The following GLG1 variants were observed in gnomAD, a reference collection of about 807,000 sequenced individuals.
The protein encoded by GLG1 is golgi glycoprotein 1, also known as Golgi apparatus protein 1.
GLG1 carries 38 observed loss-of-function variants against 160.5 expected under a neutral mutation model. The ratio of observed to expected loss-of-function variants is 0.24; its 90% CI spans 0.18 to 0.31. GLG1 has a LOEUF of 0.31. GLG1 is among the 10% of genes least tolerant of loss of function. The pLI is 1.00. For synonymous variants in GLG1, 644 were observed against 543.4 expected (o/e 1.19, Z -2.57); for missense variants, 1,373 against 1,505.2 (o/e 0.91, Z 1.45).
intron 1 of GLG1, among the ~76,000 whole-genome samples, chr16:74,595,345 G>A (rs1191115948): frequency 1.3e-5 from 2 of 151,778 alleles, no homozygotes; most frequent in Non-Finnish European, 2.9e-5. Context: ...AGACCATCCT[G>A]GCTAACACGT....
At chr16:74,603,738 A>G (rs9932831) in intron 1 of GLG1, among the ~76,000 whole-genome samples, 130,994 of 152,140 alleles carry the variant, frequency 0.86, 56,576 homozygotes, top group African/African-American at 0.94. Flanking sequence ...TCACATACTA[A>G]GCAACAGTAT....
At position 74,497,583 on chromosome 16, in the gene GLG1, G is replaced by A. The variant is rs151332417; in HGVS notation, c.775-939C>T. Among the ~76,000 whole-genome samples, 284 of 151,724 alleles carry A rather than the reference G, an allele frequency of 1.9e-3. 4 individuals carry two copies. Among genetic ancestry groups the A allele is most frequent in the African/African-American group, 6.6e-3 (272 of 41,426 alleles). ...CTCCTGAGTAGCTGGGACCACAGGC[G>A]CCCGCCACCACGCCCGGCTAATTTT... On this transcript the variant is annotated intron_variant, in intron 4 of 25. Transcript: ENST00000422840.
Position 74,529,811 on chromosome 16 carries a change from TC to T in GLG1, c.471+2309del, listed in dbSNP as rs67867347. ...TCCTATTCCTTGGCTCTTTGAGAGT[TC>T]TTTTTTTTTTTTTTTTTTTTTTGTG... On this transcript the variant is annotated intron_variant, in intron 2 of 25. Transcript: ENST00000422840. 9.2e-4 allele frequency among the ~76,000 whole-genome samples: 122 copies of T among 132,322 alleles called. 21 individuals are homozygous for T. The highest frequency in any genetic ancestry group is 2.4e-3 in the African/African-American group (84 of 34,596). 86.8% of individuals were successfully genotyped at this position (132,322 alleles called of 152,430 possible).
At chr16:74,464,387 A>C (rs570211482) in intron 19 of GLG1, among the ~76,000 whole-genome samples, 1 of 152,314 alleles carries the variant, frequency 6.6e-6, no homozygotes, top group African/African-American at 2.4e-5. Flanking sequence ...AATCCTACCA[A>C]GCAGTAAAGG....
At chr16:74,605,344 T>A (rs995922843) in intron 1 of GLG1, among the ~76,000 whole-genome samples, 1 of 152,210 alleles carries the variant, frequency 6.6e-6, no homozygotes, top group African/African-American at 2.4e-5. Context: ...CTTTCCCTAA[T>A]AATGTGCTGT....
At chr16:74,508,436 A>T (rs1417929905) in intron 3 of GLG1, among the ~76,000 whole-genome samples, 1 of 152,146 alleles carries the variant, frequency 6.6e-6, no homozygotes, top group Non-Finnish European at 1.5e-5. Context: ...TTTTAACACT[A>T]ACTCCTATTA....
intron 13 of GLG1, 106 bp from the exon 14 acceptor site, chr16:74,472,517 A>G (rs986407726): frequency 2.9e-6 from 4 of 1,361,796 alleles, no homozygotes; most frequent in Non-Finnish European, 4.1e-6. Flanking sequence ...CAAATAATCT[A>G]ATACATACTT....
intron 25 of GLG1, 46 bp downstream of exon 25, chr16:74,456,603 C>T: frequency 2.7e-6 from 3 of 1,127,672 alleles, no homozygotes; most frequent in East Asian, 2.3e-5. Context: ...TGAAGTGTTC[C>T]ATATTTTTTT....
At chr16:74,571,420 A>G (rs1189066414) in intron 1 of GLG1, among the ~76,000 whole-genome samples, 1 of 152,168 alleles carries the variant, frequency 6.6e-6, no homozygotes, top group African/African-American at 2.4e-5. Flanking sequence ...CACGCAAGTA[A>G]TCCATGTTTT....
chr16:74,448,819 G>C lies in GLG1; in HGVS notation c.*4348C>G, dbSNP rs566590924. On this transcript the variant is annotated 3_prime_UTR_variant, in exon 26 of 26. Coordinates refer to ENST00000422840, the MANE Select transcript of GLG1 (RefSeq NM_001145667.2). ...CGCCTGTAATGCACTTTGGAAGGCC[G>C]AAGTGCACTTTGGCCGAAGTGGGCC... 7.3e-5 allele frequency: 11 copies of C among 150,274 alleles called. No individual in the cohort carries two copies. Among genetic ancestry groups the C allele is most frequent in the African/African-American group, 2.2e-4 (9 of 40,838 alleles). 9.3% of individuals were successfully genotyped at this position (150,274 alleles called of 1,614,324 possible).
chr16:74,459,651 G>T, intron 23 of GLG1, 31 bp downstream of exon 23: 60 of 1,002,398 alleles, frequency 6.0e-5, no homozygotes, highest in Non-Finnish European at 8.2e-5. Flanking sequence ...AAAAAGAAAT[G>T]AAGTGAGGAA....
intron 4 of GLG1, among the ~76,000 whole-genome samples, chr16:74,498,892 T>C (rs1185168470): frequency 9.5e-6 from 1 of 105,168 alleles, no homozygotes; most frequent in East Asian, 3.0e-4. Context: ...AAAAAAAAGA[T>C]TCCTAAAACC....
chr16:74,483,030 C>A lies in GLG1; in HGVS notation c.1666G>T (p.Asp556Tyr). ...TGGCTTCAAAATACTCACTTCCAAT[C>A]CCGGGAGATGAAATACTGCAGCTCT... ...LLELQYFISRDWKLDPVLYRK... is the reference protein window; with the variant it reads ...LLELQYFISRYWKLDPVLYRK... The change falls in exon 10 of 26, where the codon GAT becomes TAT. Residue 556 changes from aspartate to tyrosine, a missense_variant. Transcript: ENST00000422840. The A allele has an allele frequency of 1.3e-6, 2 of 1,575,880 alleles. No individual in the cohort carries two copies. The highest frequency in any genetic ancestry group is 2.2e-5 in the South Asian group (2 of 90,326).
At chr16:74,579,575 A>G (rs1299786697) in intron 1 of GLG1, among the ~76,000 whole-genome samples, 1 of 152,038 alleles carries the variant, frequency 6.6e-6, no homozygotes, top group Non-Finnish European at 1.5e-5. Context: ...TACAAAAGTT[A>G]GCCAGGTGTA....
intron 1 of GLG1, among the ~76,000 whole-genome samples, chr16:74,545,331 C>T (rs558267648): frequency 1.3e-5 from 2 of 152,222 alleles, no homozygotes; most frequent in East Asian, 3.9e-4. Flanking sequence ...CAGGTGCATG[C>T]CACTACACCT....
chr16:74,558,163 T>A (rs940183324), intron 1 of GLG1, among the ~76,000 whole-genome samples: 3 of 152,248 alleles, frequency 2.0e-5, no homozygotes, highest in African/African-American at 7.2e-5. Context: ...GTGGATTTTA[T>A]ATTTTGTGTT....
chr16:74,586,649 G>C lies in GLG1; in HGVS notation c.438+20008C>G, dbSNP rs138759008. Among the ~76,000 whole-genome samples the C allele has an allele frequency of 9.1e-3, 1,376 of 151,482 alleles. 23 individuals carry two copies. Among genetic ancestry groups the C allele is most frequent in the African/African-American group, 0.031 (1,301 of 41,346 alleles). ...GCCACCACGCCTGGCTAATTTTTTT[G>C]TTTTAATAAAGTCAGAACTTTGGAT... On this transcript the variant is annotated intron_variant, in intron 1 of 25. Coordinates refer to ENST00000422840, the MANE Select transcript of GLG1 (RefSeq NM_001145667.2).
chr16:74,574,175 G>C (rs189658578), intron 1 of GLG1, among the ~76,000 whole-genome samples: 8 of 152,314 alleles, frequency 5.3e-5, no homozygotes, highest in African/African-American at 1.9e-4. Context: ...TGAAGATGAA[G>C]TGGAAAAAAC....
intron 2 of GLG1, among the ~76,000 whole-genome samples, chr16:74,531,237 C>A (rs2017521597): frequency 1.3e-5 from 2 of 152,100 alleles, no homozygotes; most frequent in South Asian, 4.1e-4. Context: ...CCTCCGGTCC[C>A]ATCTACCTTC....
Sources: gnomAD v4.1 joint callset for allele counts (sites outside exome capture counted in the v4.1 genomes callset) on GRCh38, gnomAD v4.1.1 for gene constraint, MANE v1.5 for transcripts, NCBI Gene and HGNC (gene_info 2026-07-23, HGNC 2026-07-21) for gene names.